SPTBN1: variants seen among roughly 807,000 people sequenced by gnomAD.
SPTBN1 encodes spectrin beta, non-erythrocytic 1, also known as spectrin beta chain, non-erythrocytic 1.
A neutral mutation model predicts 266.4 loss-of-function variants in SPTBN1; 32 were observed. The observed-to-expected ratio is 0.12, with a 90% CI of 0.09 to 0.16. The LOEUF (loss-of-function observed/expected upper bound fraction) is 0.16, where lower values mean the gene tolerates loss of function less well. Ranked by LOEUF, SPTBN1 falls within the 10% of genes least tolerant of loss-of-function variation. The pLI, the probability that SPTBN1 is intolerant of heterozygous loss-of-function variation, is 1.00. For synonymous variants in SPTBN1, 1,336 were observed against 1,162.2 expected (o/e 1.15, Z -3.04); for missense variants, 2,296 against 3,067.1 (o/e 0.75, Z 5.94).
rs1291099703 is a variant in SPTBN1, at chr2:54,478,858, C to G, written c.-48+22340C>G. ...GAAAGTGTTCTGAAAATACACAATA[C>G]CAGAGATAAAAAAAGATGTATGTAC... On this transcript the variant is annotated intron_variant, in intron 1 of 35. Transcript: ENST00000356805. Among the ~76,000 whole-genome samples the G allele has an allele frequency of 9.4e-4, 143 of 151,574 alleles. 1 individual carries two copies. Among genetic ancestry groups the G allele is most frequent in the Non-Finnish European group, 1.3e-4 (9 of 67,936 alleles).
rs1266227967 is a variant in SPTBN1 at position 54,533,018 on chromosome 2, C to T, written c.148+6452C>T. On this transcript the variant is annotated intron_variant, in intron 2 of 35. Coordinates refer to ENST00000356805, the MANE Select transcript of SPTBN1 (RefSeq NM_003128.3). The surrounding 1 kb of genome is among the most constrained non-coding windows in gnomAD (Gnocchi z 4.2). ...TTTTTCACTTAAAGGAAGCATTTGACAGTCGCTTCTTTTTAGCATATCTGA... is the reference window on the plus strand; with the variant it reads ...TTTTTCACTTAAAGGAAGCATTTGATAGTCGCTTCTTTTTAGCATATCTGA... 1.3e-5 allele frequency among the ~76,000 whole-genome samples: 2 copies of T among 151,910 alleles called. No homozygotes were observed. Among genetic ancestry groups the T allele is most frequent in the Admixed American group, 6.6e-5 (1 of 15,250 alleles).
intron 10 of SPTBN1, among the ~76,000 whole-genome samples, chr2:54,624,594 A>G (rs191202916): frequency 1.3e-5 from 2 of 152,320 alleles, no homozygotes; most frequent in Admixed American, 1.3e-4. Flanking sequence ...TTAGATTTAG[A>G]TGACGGAAGA....
intron 1 of SPTBN1, among the ~76,000 whole-genome samples, chr2:54,473,353 T>C (rs1044440959): frequency 6.6e-6 from 1 of 152,240 alleles, no homozygotes; most frequent in African/African-American, 2.4e-5. Context: ...GCAGCTTCTT[T>C]TAGATGTATT....
At chr2:54,667,413 A>G (rs1196791993) in intron 34 of SPTBN1, among the ~76,000 whole-genome samples, 191 bp from the exon 35 acceptor site, 1 of 152,050 alleles carries the variant, frequency 6.6e-6, no homozygotes, top group East Asian at 1.9e-4. Context: ...GCGCGATTAT[A>G]TGGCTTCTTG....
In SPTBN1 at chr2:54,642,532, T is replaced by G. The variant is rs1679643061; in HGVS notation, c.3859-451T>G. Among the ~76,000 whole-genome samples the G allele has an allele frequency of 4.5e-5, 5 of 110,814 alleles. No homozygotes were observed. In the South Asian group the frequency reaches 1.3e-3, roughly 30 times the overall value. The allele number at this position is 110,814 out of a possible 152,430, so 72.7% of individuals were successfully genotyped here. On this transcript the variant is annotated intron_variant, in intron 18 of 35. Coordinates refer to ENST00000356805, the MANE Select transcript of SPTBN1 (RefSeq NM_003128.3). ...AGGGGGAGGTAATAAATAAGTAGTTTTTTTTTTTTTTTTTTAATAAAAAGA... is the reference window on the plus strand; with the variant it reads ...AGGGGGAGGTAATAAATAAGTAGTTGTTTTTTTTTTTTTTTAATAAAAAGA...
intron 18 of SPTBN1, among the ~76,000 whole-genome samples, chr2:54,641,242 T>A (rs912631257): frequency 2.0e-5 from 3 of 152,240 alleles, no homozygotes; most frequent in African/African-American, 7.2e-5. Flanking sequence ...TGTAGGATGA[T>A]GTGTTCAGCA....
At chr2:54,595,167 C>G (rs546947120) in intron 2 of SPTBN1, among the ~76,000 whole-genome samples, 2 of 152,328 alleles carry the variant, frequency 1.3e-5, no homozygotes, top group South Asian at 4.1e-4. Context: ...GAGACTATTT[C>G]TTTGCTGGAG....
intron 12 of SPTBN1, 130 bp from the exon 13 acceptor site, chr2:54,627,967 G>A (rs920989091): frequency 1.9e-6 from 2 of 1,031,218 alleles, no homozygotes; most frequent in East Asian, 2.8e-5. Flanking sequence ...TCCCCTGAAG[G>A]TGTGGGGTCC....
intron 2 of SPTBN1, among the ~76,000 whole-genome samples, chr2:54,559,090 C>T (rs1673094570): frequency 6.6e-6 from 1 of 152,220 alleles, no homozygotes; most frequent in African/African-American, 2.4e-5. Flanking sequence ...GTCCCTGTCT[C>T]TCCAGCACCT....
intron 15 of SPTBN1, 67 bp downstream of exon 15, chr2:54,630,096 C>T: frequency 1.3e-6 from 2 of 1,557,912 alleles, no homozygotes; most frequent in East Asian, 2.4e-5. Flanking sequence ...GGTCACTCAT[C>T]GAGCTTTGCT....
intron 11 of SPTBN1, 138 bp downstream of exon 11, chr2:54,625,100 C>T (rs1678240441): frequency 3.1e-6 from 3 of 982,432 alleles, no homozygotes; most frequent in Non-Finnish European, 4.3e-6. Context: ...ACCTTGGCCC[C>T]TTCCCATTAA....
intron 2 of SPTBN1, among the ~76,000 whole-genome samples, chr2:54,596,534 C>G (rs185805069): frequency 4.6e-5 from 7 of 152,212 alleles, no homozygotes; most frequent in Non-Finnish European, 7.3e-5. Flanking sequence ...TGTGTCTTTT[C>G]CAACGTGGGG....
Position 54,604,747 on chromosome 2 carries a change from C to T in SPTBN1, c.300+5504C>T, listed in dbSNP as rs577048910. Among the ~76,000 whole-genome samples, 57 of 151,904 alleles carry T rather than the reference C, an allele frequency of 3.8e-4. 1 individual carries two copies. The highest frequency in any genetic ancestry group is 1.2e-3 in the African/African-American group (49 of 41,388). ...TGGCTGGTAAAGGTTTAGGACTAGACGGGACCTTGGGAGGGGGAAACAGAA... is the reference window on the plus strand; with the variant it reads ...TGGCTGGTAAAGGTTTAGGACTAGATGGGACCTTGGGAGGGGGAAACAGAA... On this transcript the variant is annotated intron_variant, in intron 3 of 35. Transcript: ENST00000356805.
chr2:54,582,376 C>T (rs62134683), intron 2 of SPTBN1, among the ~76,000 whole-genome samples: 1 of 151,838 alleles, frequency 6.6e-6, no homozygotes, highest in Non-Finnish European at 1.5e-5. Flanking sequence ...AGGTGTCAGG[C>T]AGGGGAGAGA....
At chr2:54,638,014 A>G (rs1679267993) in intron 18 of SPTBN1, among the ~76,000 whole-genome samples, 1 of 152,206 alleles carries the variant, frequency 6.6e-6, no homozygotes, top group African/African-American at 2.4e-5. Context: ...AGACTATTAT[A>G]TTAATAGTAT....
In SPTBN1 at chr2:54,649,227, G is replaced by A; in HGVS notation, c.5202+37G>A. 9.6e-6 allele frequency: 15 copies of A among 1,560,578 alleles called. No individual in the cohort carries two copies. Among genetic ancestry groups the A allele is most frequent in the Non-Finnish European group, 1.2e-5 (14 of 1,146,006 alleles). ...AGGCAGTGCATGAGTTGGTTGTGCAGTAAGCGATGGTGTGGAAGGCCATTT... is the reference window on the plus strand; with the variant it reads ...AGGCAGTGCATGAGTTGGTTGTGCAATAAGCGATGGTGTGGAAGGCCATTT... On this transcript the variant is annotated intron_variant, in intron 25 of 35. Transcript: ENST00000356805. This position sits in a 1 kb window ranked among gnomAD's most constrained non-coding sequence, Gnocchi z 6.7.
rs145872729 is a variant in SPTBN1 at position 54,648,085 on chromosome 2, G to T, written c.4997+824G>T. ...GAACACCTTCGAGGAAAAAGAAGAGGTGAGTGTGTGGTACTCATCAGGCCC... is the reference window on the plus strand; with the variant it reads ...GAACACCTTCGAGGAAAAAGAAGAGTTGAGTGTGTGGTACTCATCAGGCCC... On this transcript the variant is annotated intron_variant, in intron 24 of 35. Coordinates refer to ENST00000356805, the MANE Select transcript of SPTBN1 (RefSeq NM_003128.3). Among the ~76,000 whole-genome samples the T allele has an allele frequency of 8.3e-4, 126 of 152,328 alleles. 1 individual carries two copies. The East Asian group carries it at 0.024, about 29-fold the overall frequency.
Position 54,465,637 on chromosome 2 carries a change from C to CATATATATATATATATATA in SPTBN1, c.-48+9119_-48+9120insATATATATATATATATATA, listed in dbSNP as rs1433073794. 5.2e-3 allele frequency among the ~76,000 whole-genome samples: 470 copies of CATATATATATATATATATA among 89,612 alleles called. 13 individuals are homozygous for CATATATATATATATATATA. Among genetic ancestry groups the CATATATATATATATATATA allele is most frequent in the South Asian group, 9.8e-3 (29 of 2,946 alleles). The allele number at this position is 89,612 out of a possible 152,430, so 58.8% of individuals were successfully genotyped here. A position where few individuals can be genotyped will look rare whatever the true frequency, so the allele number is the denominator to read the frequency against. ...TATGATGCATACATATCATGTTTAT[C>CATATATATATATATATATA]TCATATATATATATATATATATATA... is the stretch of plus-strand genomic sequence containing the variant. On this transcript the variant is annotated intron_variant, in intron 1 of 35. Transcript: ENST00000356805.
chr2:54,634,645 G>A (rs890610536), intron 17 of SPTBN1, among the ~76,000 whole-genome samples: 1 of 152,218 alleles, frequency 6.6e-6, no homozygotes, highest in African/African-American at 2.4e-5. Flanking sequence ...AGTTCCAGGT[G>A]CTGTAGGAGC....
Sources: gnomAD v4.1 joint callset for allele counts (sites outside exome capture counted in the v4.1 genomes callset) on GRCh38, gnomAD v4.1.1 for gene constraint, Gnocchi (gnomAD v3.1) non-coding constraint, MANE v1.5 for transcripts, NCBI Gene and HGNC (gene_info 2026-07-23, HGNC 2026-07-21) for gene names.